Variants in LRRC38 observed in about 807,000 individuals in gnomAD.
LRRC38 encodes leucine-rich repeat-containing protein 38.
LRRC38 carries 5 observed loss-of-function variants against 16.4 expected under a neutral mutation model. That is an observed-to-expected ratio of 0.31 (90% CI 0.16 to 0.64). The LOEUF (loss-of-function observed/expected upper bound fraction) is 0.64, where lower values mean the gene tolerates loss of function less well. Ranked by LOEUF, LRRC38 falls within the 30% of genes least tolerant of loss-of-function variation. The pLI, the probability that LRRC38 is intolerant of heterozygous loss-of-function variation, is 0.80. For missense variants in LRRC38, 341 were observed against 401.8 expected (o/e 0.85, Z 1.29); for synonymous variants, 191 against 190.2 (o/e 1.00, Z -0.04).
At chr1:13,498,614 G>A (rs995207768) in intron 1 of LRRC38, among the ~76,000 whole-genome samples, 3 of 152,338 alleles carry the variant, frequency 2.0e-5, no homozygotes, top group African/African-American at 7.2e-5. Context: ...CTGAGTGACA[G>A]AGCGAGACTC....
chr1:13,477,674 C>A (rs1038729252), intron 1 of LRRC38, among the ~76,000 whole-genome samples: 2 of 152,012 alleles, frequency 1.3e-5, no homozygotes, highest in African/African-American at 4.8e-5. Context: ...CCTGTCTCTA[C>A]AAAATTTTTA....
chr1:13,478,080 C>T (rs1443432676), intron 1 of LRRC38, among the ~76,000 whole-genome samples: 1 of 152,170 alleles, frequency 6.6e-6, no homozygotes, highest in Non-Finnish European at 1.5e-5. Context: ...TGTTACCAAG[C>T]ATAATCATCC....
chr1:13,499,774 G>C (rs141325218), intron 1 of LRRC38, among the ~76,000 whole-genome samples: 194 of 152,314 alleles, frequency 1.3e-3, no homozygotes, highest in African/African-American at 4.4e-3. Context: ...GACTGGAGCT[G>C]TGTGCAGGCT....
chr1:13,513,273 C>T lies in LRRC38; in HGVS notation c.321G>A (p.Val107=), dbSNP rs543038330. ...AGTTGTTGTAGCTGAGGTCGAGGAA[C>T]ACGAGCTTGGCCGAGCCGCTGAACG... ...EGTFSGSAKL[V]FLDLSYNNLT... is the part of the protein sequence containing the mutation. The change falls in exon 1 of 2, where the codon GTG becomes GTA. Residue 107 remains valine, a synonymous_variant. Transcript: ENST00000376085. 9.4e-5 allele frequency: 146 copies of T among 1,550,510 alleles called. 1 individual carries two copies. In the South Asian group the frequency reaches 1.7e-3, roughly 18 times the overall value.
At chr1:13,495,501 G>C (rs566135277) in intron 1 of LRRC38, among the ~76,000 whole-genome samples, 3 of 152,022 alleles carry the variant, frequency 2.0e-5, no homozygotes, top group African/African-American at 7.2e-5. Context: ...GGAGGGAAGA[G>C]GAGTGACTGC....
intron 1 of LRRC38, among the ~76,000 whole-genome samples, chr1:13,505,586 A>G (rs1639203180): frequency 6.6e-6 from 1 of 152,242 alleles, no homozygotes; most frequent in African/African-American, 2.4e-5. Context: ...TGACAGCAGC[A>G]GGCGTGCTGG....
rs78764949 is a variant in LRRC38, at chr1:13,492,192, G to C, written c.632-16093C>G. Among the ~76,000 whole-genome samples, 372 of 152,148 alleles carry C rather than the reference G, an allele frequency of 2.4e-3. 2 individuals are homozygous for C. The highest frequency in any genetic ancestry group is 8.7e-3 in the African/African-American group (363 of 41,488). On this transcript the variant is annotated intron_variant, in intron 1 of 1. Coordinates refer to ENST00000376085, the MANE Select transcript of LRRC38 (RefSeq NM_001010847.2). ...TGAGTTTGACTACTCTACGTACTGC[G>C]TACAAGTGAAATCATACAATATTTG...
intron 1 of LRRC38, among the ~76,000 whole-genome samples, chr1:13,481,953 C>T (rs1017821103): frequency 7.2e-5 from 11 of 152,158 alleles, no homozygotes; most frequent in Non-Finnish European, 1.6e-4. Flanking sequence ...AAATAAATGC[C>T]TGCTTGTTAA....
rs1397707198 is a variant in LRRC38, at chr1:13,509,738, TAGA to T, written c.631+3222_631+3224del. 3.3e-5 allele frequency among the ~76,000 whole-genome samples: 5 copies of T among 152,248 alleles called. No homozygotes were observed. In the South Asian group the frequency reaches 6.2e-4, roughly 19 times the overall value. On this transcript the variant is annotated intron_variant, in intron 1 of 1. Coordinates refer to ENST00000376085, the MANE Select transcript of LRRC38 (RefSeq NM_001010847.2). ...CCCTAAAACTGTAGAACTTTAGACT[TAGA>T]AGGAGACTTACGGTCCTCCTACCTA...
chr1:13,483,575 T>A (rs1035504629), intron 1 of LRRC38, among the ~76,000 whole-genome samples: 2 of 152,046 alleles, frequency 1.3e-5, no homozygotes, highest in Admixed American at 1.3e-4. Flanking sequence ...CTGGACACCC[T>A]TGTCAGAAGG....
intron 1 of LRRC38, among the ~76,000 whole-genome samples, chr1:13,501,712 G>C (rs965901844): frequency 6.7e-6 from 1 of 149,168 alleles, no homozygotes; most frequent in Non-Finnish European, 1.5e-5. Flanking sequence ...TCCTGCCTCA[G>C]CCTCCCTAGC....
intron 1 of LRRC38, among the ~76,000 whole-genome samples, chr1:13,477,326 A>C (rs1638801178): frequency 6.6e-6 from 1 of 152,238 alleles, no homozygotes; most frequent in Admixed American, 6.5e-5. Flanking sequence ...AGGAAACAAA[A>C]CAAAGCCTTT....
Position 13,487,878 on chromosome 1 carries a change from C to T in LRRC38, c.632-11779G>A, listed in dbSNP as rs1156327654. Among the ~76,000 whole-genome samples, 4 of 152,118 alleles carry T rather than the reference C, an allele frequency of 2.6e-5. No individual in the cohort carries two copies. Among genetic ancestry groups the T allele is most frequent in the East Asian group, 1.9e-4 (1 of 5,200 alleles). On this transcript the variant is annotated intron_variant, in intron 1 of 1. Coordinates refer to ENST00000376085, the MANE Select transcript of LRRC38 (RefSeq NM_001010847.2). The surrounding 1 kb of genome is among the most constrained non-coding windows in gnomAD (Gnocchi z 4.4). ...CAGATTAACAACAGGCTCTGGTAAG[C>T]GCTTTTTGTCATTAAAAATATTTTT...
chr1:13,494,552 T>A (rs1569926277), intron 1 of LRRC38, among the ~76,000 whole-genome samples: 1 of 152,318 alleles, frequency 6.6e-6, no homozygotes, highest in Middle Eastern at 3.4e-3. Flanking sequence ...GTGAAGCAGT[T>A]TGCCCAGGCT....
chr1:13,504,979 C>T (rs80164202), intron 1 of LRRC38, among the ~76,000 whole-genome samples: 5,702 of 152,224 alleles, frequency 0.037, 156 homozygotes, highest in East Asian at 0.13. Context: ...TCTGCTCCCA[C>T]GACTTCCTGG....
At chr1:13,493,340 G>A (rs969821043) in intron 1 of LRRC38, among the ~76,000 whole-genome samples, 1 of 151,760 alleles carries the variant, frequency 6.6e-6, no homozygotes, top group East Asian at 1.9e-4. Flanking sequence ...GGCCTTTGGG[G>A]TGGGCAAGGA....
chr1:13,502,879 T>C (rs988923190), intron 1 of LRRC38, among the ~76,000 whole-genome samples: 2 of 152,196 alleles, frequency 1.3e-5, no homozygotes, highest in Non-Finnish European at 2.9e-5. Context: ...AGATGATCAT[T>C]TCTGATGTAG....
At chr1:13,506,866 C>G (rs935358067) in intron 1 of LRRC38, among the ~76,000 whole-genome samples, 1 of 152,240 alleles carries the variant, frequency 6.6e-6, no homozygotes, top group Non-Finnish European at 1.5e-5. Context: ...ACAGCAGGAA[C>G]TGTGCAGCCA....
At chr1:13,480,903 C>T (rs959071413) in intron 1 of LRRC38, among the ~76,000 whole-genome samples, 4 of 152,162 alleles carry the variant, frequency 2.6e-5, no homozygotes, top group Admixed American at 2.0e-4. Context: ...AGCAATCCTC[C>T]CACCTCAGCT....
Sources: gnomAD v4.1 joint callset for allele counts (sites outside exome capture counted in the v4.1 genomes callset) on GRCh38, gnomAD v4.1.1 for gene constraint, Gnocchi (gnomAD v3.1) non-coding constraint, MANE v1.5 for transcripts, NCBI Gene and HGNC (gene_info 2026-07-23, HGNC 2026-07-21) for gene names.